Variants in UNC93A observed in about 807,000 individuals in gnomAD.
UNC93A encodes the protein unc-93 homolog A.
UNC93A carries 43 observed loss-of-function variants against 47.5 expected under a neutral mutation model. That is an observed-to-expected ratio of 0.91 (90% CI 0.71 to 1.17). UNC93A has a LOEUF of 1.17. Ranked by LOEUF, UNC93A falls within the 50% of genes most tolerant of loss-of-function variation. UNC93A has a pLI of 0.00. For synonymous variants in UNC93A, 280 were observed against 258.0 expected, an observed-to-expected ratio of 1.09 and a Z score of -0.82; for missense variants, 605 against 577.6, an observed-to-expected ratio of 1.05 and a Z score of -0.49.
In UNC93A at chr6:167,291,433, T is replaced by C. The variant is rs1425040413; in HGVS notation, c.-57T>C. On this transcript the variant is annotated 5_prime_UTR_variant, in exon 1 of 8. Coordinates refer to ENST00000230256, the MANE Select transcript of UNC93A (RefSeq NM_018974.4). ...TTTTTCCCATGCCTCAATTGGTTTC[T>C]TTTAGGGAGCTACAAATTTACGTGT... The C allele has an allele frequency of 2.6e-6, 4 of 1,545,810 alleles. No individual in the cohort carries two copies. In the African/African-American group the frequency reaches 4.1e-5, roughly 16 times the overall value.
upstream of UNC93A, among the ~76,000 whole-genome samples, chr6:167,269,605 T>C (rs1783419718): frequency 6.6e-6 from 1 of 152,004 alleles, no homozygotes. Flanking sequence ...TAAAAAATTT[T>C]TATTTATTTA....
At chr6:167,290,317 G>T (rs1478259672), upstream of UNC93A, among the ~76,000 whole-genome samples, 3 of 152,160 alleles carry the variant, frequency 2.0e-5, no homozygotes, top group Non-Finnish European at 4.4e-5. Context: ...TAAGTGACAA[G>T]AACTTTACCC....
At position 167,304,194 on chromosome 6, in the gene UNC93A, G is replaced by C. The variant is rs879183929; in HGVS notation, c.840+61G>C. On this transcript the variant is annotated intron_variant, in intron 5 of 7. Coordinates refer to ENST00000230256, the MANE Select transcript of UNC93A (RefSeq NM_018974.4). Reference sequence around the variant, plus strand: ...TGCGTGGCATCACTGCCTTGCCTGTGTCTGTACCTGCAGGACCGCAGAGTG... The same window carrying C: ...TGCGTGGCATCACTGCCTTGCCTGTCTCTGTACCTGCAGGACCGCAGAGTG... The C allele has an allele frequency of 9.2e-5, 146 of 1,581,844 alleles. No individual in the cohort carries two copies. The South Asian group carries it at 1.5e-3, about 16-fold the overall frequency.
At chr6:167,314,107 T>A (rs1296673187) in intron 7 of UNC93A, among the ~76,000 whole-genome samples, 1 of 152,158 alleles carries the variant, frequency 6.6e-6, no homozygotes, top group Non-Finnish European at 1.5e-5. Flanking sequence ...ATGATGTGAG[T>A]TGTTTCGTAT....
At chr6:167,275,706 C>G (rs1783528041) in intron 1 of UNC93A, among the ~76,000 whole-genome samples, 1 of 152,230 alleles carries the variant, frequency 6.6e-6, no homozygotes, top group Non-Finnish European at 1.5e-5. Flanking sequence ...CCCCACCACA[C>G]CAAGCACAGA....
chr6:167,276,064 CT>C (rs59625593), intron 1 of UNC93A, among the ~76,000 whole-genome samples: 163 of 139,530 alleles, frequency 1.2e-3, no homozygotes, highest in Admixed American at 2.6e-3. Flanking sequence ...CTTTTCTTTT[CT>C]TTTTTTTTTT....
intron 4 of UNC93A, among the ~76,000 whole-genome samples, chr6:167,301,199 T>G (rs1161504378): frequency 6.6e-6 from 1 of 152,252 alleles, no homozygotes; most frequent in African/African-American, 2.4e-5. Context: ...AGGTGGCTGT[T>G]GTCTGTGGAA....
At chr6:167,296,289 C>A in intron 3 of UNC93A, 28 bp downstream of exon 3, 1 of 1,610,058 alleles carries the variant, frequency 6.2e-7, no homozygotes, top group African/African-American at 1.3e-5. Flanking sequence ...AAGCAATTGT[C>A]TCCAAGTGGA....
upstream of UNC93A, among the ~76,000 whole-genome samples, chr6:167,269,099 G>A (rs1214941256): frequency 6.6e-6 from 1 of 152,252 alleles, no homozygotes; most frequent in African/African-American, 2.4e-5. Flanking sequence ...AGAGAGGAAT[G>A]TGTGGGCAGC....
chr6:167,296,025 C>G lies in UNC93A; in HGVS notation c.270-7C>G. Reference sequence around the variant, plus strand: ...TTACAGGCTATGGGTCTGCATTTTACCCACAGGTACACTTTGATCCCCACC... The same window carrying G: ...TTACAGGCTATGGGTCTGCATTTTAGCCACAGGTACACTTTGATCCCCACC... On this transcript the variant is annotated splice_region_variant and splice_polypyrimidine_tract_variant and intron_variant, in intron 2 of 7. Coordinates refer to ENST00000230256, the MANE Select transcript of UNC93A (RefSeq NM_018974.4). 3 of 1,613,338 alleles carry G rather than the reference C, an allele frequency of 1.9e-6. No homozygotes were observed. The South Asian group carries it at 3.3e-5, about 18-fold the overall frequency.
chr6:167,274,600 C>G (rs1419269798), intron 1 of UNC93A, among the ~76,000 whole-genome samples: 2 of 152,128 alleles, frequency 1.3e-5, no homozygotes, highest in African/African-American at 4.8e-5. Flanking sequence ...TTGATGTTTT[C>G]TCTATGACAC....
Position 167,296,140 on chromosome 6 carries a change from G to A in UNC93A, c.378G>A (p.Ala126=), listed in dbSNP as rs1186460681. ...CGGGAAACACACATGCAGAGAAGGC[G>A]GGAAAGCGTGGCAAAGACATGGTGA... ...TITGNTHAEK[A]GKRGKDMVNQ... Residue 126 remains alanine, a synonymous_variant, in exon 3 of 8, where the codon GCG becomes GCA. Coordinates refer to ENST00000230256, the MANE Select transcript of UNC93A (RefSeq NM_018974.4). 13 of 1,614,092 alleles carry A rather than the reference G, an allele frequency of 8.1e-6. No individual in the cohort carries two copies. The highest frequency in any genetic ancestry group is 5.0e-5 in the Admixed American group (3 of 60,006).
intron 1 of UNC93A, among the ~76,000 whole-genome samples, chr6:167,277,053 C>T (rs911363035): frequency 2.0e-5 from 3 of 152,224 alleles, no homozygotes; most frequent in Non-Finnish European, 4.4e-5. Flanking sequence ...ACAGACTCCC[C>T]TGATGTGGGC....
chr6:167,272,563 T>A lies in UNC93A; in HGVS notation c.-52+1105T>A, dbSNP rs146767738. Among the ~76,000 whole-genome samples the A allele has an allele frequency of 3.0e-3, 455 of 152,312 alleles. 3 individuals carry two copies. The highest frequency in any genetic ancestry group is 0.01 in the African/African-American group (427 of 41,556). On this transcript the variant is annotated intron_variant, in intron 1 of 3. Transcript: ENST00000503433. Reference sequence around the variant, plus strand: ...GTGGGGAGCAGCTTGGATTTATACATCTTAGGGAGACATGAGACTTCAATC... The same window carrying A: ...GTGGGGAGCAGCTTGGATTTATACAACTTAGGGAGACATGAGACTTCAATC...
intron 1 of UNC93A, among the ~76,000 whole-genome samples, chr6:167,292,113 G>C (rs2115111297): frequency 6.6e-6 from 1 of 152,276 alleles, no homozygotes; most frequent in Admixed American, 6.5e-5. Flanking sequence ...TCTCCGAAAG[G>C]CTGCAGCATT....
At chr6:167,285,880 G>T (rs1783718616) in intron 1 of UNC93A, among the ~76,000 whole-genome samples, 1 of 151,066 alleles carries the variant, frequency 6.6e-6, no homozygotes, top group African/African-American at 2.4e-5. Context: ...GAAATAAAAA[G>T]AGTAAACATA....
intron 1 of UNC93A, among the ~76,000 whole-genome samples, chr6:167,285,993 C>CACAA (rs1783724638): frequency 6.7e-6 from 1 of 149,032 alleles, no homozygotes; most frequent in African/African-American, 2.5e-5. Context: ...CACACACACA[C>CACAA]AATGAGCCTA....
At chr6:167,308,285 C>T (rs778795384) in intron 7 of UNC93A, among the ~76,000 whole-genome samples, 7 of 152,152 alleles carry the variant, frequency 4.6e-5, no homozygotes, top group African/African-American at 1.7e-4. Flanking sequence ...GGCACACTCC[C>T]GTGTACCTGG....
At position 167,296,064 on chromosome 6, in the gene UNC93A, G is replaced by A; in HGVS notation, c.302G>A (p.Gly101Glu). The A allele has an allele frequency of 6.2e-7, 1 of 1,614,200 alleles. No individual in the cohort carries two copies. Among genetic ancestry groups the A allele is most frequent in the Non-Finnish European group, 8.5e-7 (1 of 1,180,040 alleles). Reference protein sequence around the residue: ...YTLIPTSILLGLGAAPLWSAQ... With the variant: ...YTLIPTSILLELGAAPLWSAQ... ...TTGATCCCCACCTCCATACTGCTGG[G>A]ACTCGGGGCCGCCCCGCTGTGGTCT... The change falls in exon 3 of 8, where the codon GGA becomes GAA. Residue 101 changes from glycine to glutamate, a missense_variant. Gly to Glu is a moderately conservative substitution (Grantham distance 98). Coordinates refer to ENST00000230256, the MANE Select transcript of UNC93A (RefSeq NM_018974.4).
Sources: allele counts gnomAD v4.1 joint callset (sites outside exome capture counted in the v4.1 genomes callset), GRCh38; gene constraint gnomAD v4.1.1; transcripts MANE v1.5; gene names NCBI Gene and HGNC (gene_info 2026-07-23, HGNC 2026-07-21).